The following KHDRBS2 variants were observed in gnomAD, a reference collection of about 807,000 sequenced individuals.
KHDRBS2 encodes the protein KH RNA binding domain containing, signal transduction associated 2.
In KHDRBS2, 26 loss-of-function variants were observed where a neutral mutation model predicts 44.3. The observed-to-expected ratio is 0.59, with a 90% CI of 0.43 to 0.81. The LOEUF (loss-of-function observed/expected upper bound fraction) is 0.81. KHDRBS2 is among the 40% of genes least tolerant of loss of function. The pLI is 0.00. For synonymous variants in KHDRBS2, 194 were observed against 151.1 expected, an observed-to-expected ratio of 1.28 and a Z score of -2.08; for missense variants, 476 against 433.1, an observed-to-expected ratio of 1.10 and a Z score of -0.88.
At chr6:62,142,191 G>A (rs766497059) in intron 2 of KHDRBS2, among the ~76,000 whole-genome samples, 8 of 152,096 alleles carry the variant, frequency 5.3e-5, no homozygotes, top group Non-Finnish European at 1.2e-4. Context: ...TGGGTAAACT[G>A]TAGTGAGGTT....
intron 6 of KHDRBS2, among the ~76,000 whole-genome samples, chr6:61,842,409 A>T (rs1793724355): frequency 6.6e-6 from 1 of 152,178 alleles, no homozygotes; most frequent in African/African-American, 2.4e-5. Context: ...CACAGTCTAT[A>T]TTACCTTTGC....
intron 1 of KHDRBS2, among the ~76,000 whole-genome samples, chr6:62,223,354 G>C (rs1326555891): frequency 6.6e-6 from 1 of 152,150 alleles, no homozygotes; most frequent in African/African-American, 2.4e-5. Flanking sequence ...AAGTACCTAG[G>C]CTGCACACAG....
chr6:62,049,740 G>C (rs996711146), intron 2 of KHDRBS2, among the ~76,000 whole-genome samples: 1 of 151,832 alleles, frequency 6.6e-6, no homozygotes, highest in Admixed American at 6.6e-5. Context: ...TCTGTTGATA[G>C]TACCATCTTA....
chr6:62,133,303 C>T (rs376068637), intron 2 of KHDRBS2, among the ~76,000 whole-genome samples: 2 of 152,132 alleles, frequency 1.3e-5, no homozygotes, highest in East Asian at 1.9e-4. Flanking sequence ...GCTTTCCCCA[C>T]ACTGTTCTCG....
chr6:61,764,075 G>A (rs1391802301), intron 6 of KHDRBS2, among the ~76,000 whole-genome samples: 1 of 152,096 alleles, frequency 6.6e-6, no homozygotes, highest in Non-Finnish European at 1.5e-5. Flanking sequence ...GTGAGAACAT[G>A]TGGTGTTTGG....
At chr6:61,568,532 A>C in the KHDRBS2 span, among the ~76,000 whole-genome samples, 1 of 152,194 alleles carries the variant, frequency 6.6e-6, no homozygotes, top group Non-Finnish European at 1.5e-5. Context: ...GAAAAAAATC[A>C]CAGATCCTTT....
the KHDRBS2 span, among the ~76,000 whole-genome samples, chr6:61,650,913 C>G: frequency 1.3e-5 from 2 of 152,050 alleles, no homozygotes; most frequent in Non-Finnish European, 2.9e-5. Context: ...TCCTGACTTT[C>G]TACCATGCTG....
chr6:62,170,862 GC>G (rs1465184806), intron 2 of KHDRBS2, among the ~76,000 whole-genome samples: 1 of 150,342 alleles, frequency 6.7e-6, no homozygotes, highest in Non-Finnish European at 1.5e-5. Flanking sequence ...CTGAGCTGTG[GC>G]CCCCTGAAAT....
the KHDRBS2 span, among the ~76,000 whole-genome samples, chr6:61,659,425 T>A: frequency 8.6e-5 from 13 of 151,834 alleles, no homozygotes; most frequent in Admixed American, 7.2e-4. Context: ...ATGAACCAAT[T>A]TAGGGCTCAT....
intron 6 of KHDRBS2, among the ~76,000 whole-genome samples, chr6:61,851,957 C>T (rs993358215): frequency 4.6e-5 from 7 of 152,164 alleles, no homozygotes; most frequent in African/African-American, 1.7e-4. Context: ...TGCAGTGGCT[C>T]ATGGCTGTAA....
Position 61,875,562 on chromosome 6 carries a change from A to G in KHDRBS2, c.810+19073T>C, listed in dbSNP as rs115338831. ...GAGAAATAGGTTCCATTACAGCTAT[A>G]TAACTGTTTGTCCTTCACAGACCAA... is the stretch of plus-strand genomic sequence containing the variant. On this transcript the variant is annotated intron_variant, in intron 6 of 8. Transcript: ENST00000281156. 3.7e-3 allele frequency among the ~76,000 whole-genome samples: 564 copies of G among 152,258 alleles called. 3 individuals are homozygous for G. Among genetic ancestry groups the G allele is most frequent in the African/African-American group, 0.013 (531 of 41,578 alleles).
At chr6:61,609,983 C>A in the KHDRBS2 span, among the ~76,000 whole-genome samples, 1 of 152,056 alleles carries the variant, frequency 6.6e-6, no homozygotes, top group Non-Finnish European at 1.5e-5. Flanking sequence ...ACCAACCTGG[C>A]TAACACGGTG....
chr6:61,752,916 GA>G (rs1250569529), intron 6 of KHDRBS2, among the ~76,000 whole-genome samples: 1 of 152,090 alleles, frequency 6.6e-6, no homozygotes, highest in Non-Finnish European at 1.5e-5. Context: ...CTGTTTGAAT[GA>G]GAGGATATGT....
the KHDRBS2 span, among the ~76,000 whole-genome samples, chr6:61,657,662 G>A: frequency 1.6e-4 from 24 of 151,924 alleles, no homozygotes; most frequent in Non-Finnish European, 3.2e-4. Flanking sequence ...ATCATTGGCA[G>A]GTTTGGTGAC....
At chr6:61,947,242 A>T (rs912709947) in intron 4 of KHDRBS2, among the ~76,000 whole-genome samples, 2 of 152,150 alleles carry the variant, frequency 1.3e-5, no homozygotes, top group Non-Finnish European at 2.9e-5. Context: ...GTTAATGTGA[A>T]TTGGCAATGG....
At chr6:61,621,578 T>C in the KHDRBS2 span, among the ~76,000 whole-genome samples, 11 of 152,112 alleles carry the variant, frequency 7.2e-5, no homozygotes, top group African/African-American at 2.7e-4. Flanking sequence ...TAAGGGAAAA[T>C]CTGGCCCACT....
At chr6:61,807,231 C>A (rs932150294) in intron 6 of KHDRBS2, among the ~76,000 whole-genome samples, 19 of 151,902 alleles carry the variant, frequency 1.3e-4, no homozygotes, top group African/African-American at 4.1e-4. Flanking sequence ...GGTGGGAGTA[C>A]AAATTAGTTA....
the KHDRBS2 span, among the ~76,000 whole-genome samples, chr6:61,654,964 C>T: frequency 6.6e-6 from 1 of 151,588 alleles, no homozygotes; most frequent in Non-Finnish European, 1.5e-5. Context: ...GGTACTTACC[C>T]CCAAATCCTC....
chr6:61,720,140 G>A (rs953268251), intron 7 of KHDRBS2, among the ~76,000 whole-genome samples: 1 of 152,186 alleles, frequency 6.6e-6, no homozygotes, highest in Non-Finnish European at 1.5e-5. Flanking sequence ...GTATTTCAAG[G>A]TGTATATGTG....
Sources: allele counts gnomAD v4.1 joint callset (sites outside exome capture counted in the v4.1 genomes callset), GRCh38; gene constraint gnomAD v4.1.1; transcripts MANE v1.5; gene names NCBI Gene and HGNC (gene_info 2026-07-23, HGNC 2026-07-21).